The following B3GALT1 variants were observed in gnomAD, a reference collection of about 807,000 sequenced individuals.
B3GALT1 encodes the protein beta-1,3-galactosyltransferase 1.
Under a neutral mutation model 23.2 loss-of-function variants are expected in B3GALT1, and 10 were observed. The ratio of observed to expected loss-of-function variants is 0.43; its 90% CI spans 0.27 to 0.73. The LOEUF (loss-of-function observed/expected upper bound fraction) is 0.73. Among genes scored for constraint, B3GALT1 ranks in the 30% least tolerant of loss-of-function variants. B3GALT1 has a pLI of 0.21. For missense variants in B3GALT1, 299 were observed against 405.4 expected, an observed-to-expected ratio of 0.74 and a Z score of 2.25; for synonymous variants, 156 against 141.5, an observed-to-expected ratio of 1.10 and a Z score of -0.73.
intron 2 of B3GALT1, among the ~76,000 whole-genome samples, chr2:167,537,939 C>T (rs1049221318): frequency 4.6e-5 from 7 of 151,630 alleles, no homozygotes; most frequent in African/African-American, 1.7e-4. Flanking sequence ...ATTCTCTGCT[C>T]AGCCTCCTGA....
intron 1 of B3GALT1, among the ~76,000 whole-genome samples, chr2:167,379,572 A>G (rs1160435024): frequency 1.3e-5 from 2 of 152,172 alleles, no homozygotes; most frequent in Non-Finnish European, 2.9e-5. Context: ...ATAAACCCAT[A>G]GATGATGCTT....
chr2:167,418,754 C>A (rs2140499), intron 1 of B3GALT1, among the ~76,000 whole-genome samples: 140,727 of 151,456 alleles, frequency 0.93, 65,905 homozygotes, highest in Non-Finnish European at 0.99. Context: ...CCAGGCTGGT[C>A]TCGAACTCCT....
At chr2:167,520,959 A>G (rs1431708295) in intron 2 of B3GALT1, among the ~76,000 whole-genome samples, 1 of 152,140 alleles carries the variant, frequency 6.6e-6, no homozygotes, top group Non-Finnish European at 1.5e-5. Flanking sequence ...ATCCTCTTCA[A>G]TTAGGGCACA....
intron 2 of B3GALT1, among the ~76,000 whole-genome samples, chr2:167,520,905 G>A (rs1315656817): frequency 6.6e-6 from 1 of 152,132 alleles, no homozygotes; most frequent in Non-Finnish European, 1.5e-5. Flanking sequence ...TGAATTAATT[G>A]AGATGTCTAT....
chr2:167,548,685 A>AGTGTGTGTGT (rs71031297), intron 2 of B3GALT1, among the ~76,000 whole-genome samples: 7,888 of 144,764 alleles, frequency 0.054, 303 homozygotes, highest in Middle Eastern at 0.1. Context: ...CGTGTGTGTG[A>AGTGTGTGTGT]GTGTGTGTGT....
intron 3 of B3GALT1, among the ~76,000 whole-genome samples, chr2:167,765,538 G>GT (rs1687963376): frequency 6.6e-6 from 1 of 152,024 alleles, no homozygotes; most frequent in Non-Finnish European, 1.5e-5. Context: ...TTCATAATAG[G>GT]TTTTATTTCT....
At chr2:167,845,381 C>A (rs887582174) in intron 4 of B3GALT1, among the ~76,000 whole-genome samples, 2 of 152,178 alleles carry the variant, frequency 1.3e-5, no homozygotes, top group African/African-American at 2.4e-5. Context: ...GTGCTGGTAT[C>A]CACGTCTGGA....
At chr2:167,809,195 T>C (rs1305359222) in intron 3 of B3GALT1, among the ~76,000 whole-genome samples, 1 of 152,228 alleles carries the variant, frequency 6.6e-6, no homozygotes, top group Non-Finnish European at 1.5e-5. Context: ...CTAATCTTTT[T>C]TCAAGGTTTT....
chr2:167,523,017 T>A (rs1683123722), intron 2 of B3GALT1, among the ~76,000 whole-genome samples: 1 of 152,148 alleles, frequency 6.6e-6, no homozygotes, highest in South Asian at 2.1e-4. Context: ...GTGATTTTCA[T>A]GTTGGTGATC....
chr2:167,435,571 T>C (rs1698771818), intron 1 of B3GALT1, among the ~76,000 whole-genome samples: 1 of 151,836 alleles, frequency 6.6e-6, no homozygotes. Flanking sequence ...CTGGGAAATG[T>C]AAGACTCTTA....
intron 2 of B3GALT1, among the ~76,000 whole-genome samples, chr2:167,602,173 A>G (rs1382937421): frequency 6.6e-6 from 1 of 152,214 alleles, no homozygotes; most frequent in African/African-American, 2.4e-5. Context: ...GAAAATAGCT[A>G]GGAACTGTGA....
At chr2:167,804,728 G>A (rs923386977) in intron 3 of B3GALT1, among the ~76,000 whole-genome samples, 2 of 152,130 alleles carry the variant, frequency 1.3e-5, no homozygotes, top group African/African-American at 4.8e-5. Context: ...GTCTATCATT[G>A]TTGGACATTT....
At chr2:167,798,135 G>A (rs918328407) in intron 3 of B3GALT1, among the ~76,000 whole-genome samples, 1 of 152,036 alleles carries the variant, frequency 6.6e-6, no homozygotes, top group Non-Finnish European at 1.5e-5. Context: ...TTTTTAATGG[G>A]GTTGTTTTAT....
chr2:167,656,275 A>C (rs1480712446), intron 3 of B3GALT1, among the ~76,000 whole-genome samples: 2 of 152,162 alleles, frequency 1.3e-5, no homozygotes, highest in Non-Finnish European at 2.9e-5. Flanking sequence ...TGAGAAAGTA[A>C]TCATTCTTGG....
chr2:167,760,587 T>G (rs1687885269), intron 3 of B3GALT1, among the ~76,000 whole-genome samples: 1 of 152,226 alleles, frequency 6.6e-6, no homozygotes, highest in Admixed American at 6.5e-5. Context: ...AGTCACCGTC[T>G]TAGTCTGAGA....
Position 167,768,230 on chromosome 2 carries a change from T to C in B3GALT1, c.-351-50442T>C, listed in dbSNP as rs189994636. 4.6e-5 allele frequency among the ~76,000 whole-genome samples: 7 copies of C among 152,300 alleles called. No homozygotes were observed. The East Asian group carries it at 1.4e-3, about 29-fold the overall frequency. On this transcript the variant is annotated intron_variant, in intron 3 of 4. Coordinates refer to ENST00000392690, the MANE Select transcript of B3GALT1 (RefSeq NM_020981.4). ...GTCCAGTCAAGTGGACACCTAAAAT[T>C]CACCATTACAAAAGGTATTTATAAA... is the stretch of plus-strand genomic sequence containing the variant.
intron 1 of B3GALT1, among the ~76,000 whole-genome samples, chr2:167,367,372 A>G (rs1416677177): frequency 6.6e-6 from 1 of 152,180 alleles, no homozygotes; most frequent in Non-Finnish European, 1.5e-5. Flanking sequence ...GTGATGGACT[A>G]CCCATTGCTT....
At chr2:167,833,495 A>G (rs1689393213) in intron 4 of B3GALT1, among the ~76,000 whole-genome samples, 1 of 152,232 alleles carries the variant, frequency 6.6e-6, no homozygotes, top group Non-Finnish European at 1.5e-5. Flanking sequence ...TGTTTCAGTG[A>G]TAATGAATCA....
At chr2:167,620,045 T>C (rs1685228717) in intron 2 of B3GALT1, among the ~76,000 whole-genome samples, 1 of 152,080 alleles carries the variant, frequency 6.6e-6, no homozygotes, top group Non-Finnish European at 1.5e-5. Context: ...AAGTGGATCG[T>C]TAGGAAAATC....
Sources: allele counts gnomAD v4.1 joint callset (sites outside exome capture counted in the v4.1 genomes callset), GRCh38; gene constraint gnomAD v4.1.1; transcripts MANE v1.5; gene names NCBI Gene and HGNC (gene_info 2026-07-23, HGNC 2026-07-21).